FN3KRP: variants seen among roughly 807,000 people sequenced by gnomAD.
FN3KRP encodes fructosamine 3 kinase related protein, also known as ketosamine-3-kinase.
In FN3KRP, 33 loss-of-function variants were observed where a neutral mutation model predicts 29.8. The ratio of observed to expected loss-of-function variants is 1.11; its 90% confidence interval spans 0.84 to 1.48. The LOEUF (loss-of-function observed/expected upper bound fraction) is 1.48. Among genes scored for constraint, FN3KRP ranks in the 40% most tolerant of loss-of-function variants. FN3KRP has a pLI of 0.00. For synonymous variants in FN3KRP, 157 were observed against 155.2 expected (o/e 1.01, Z -0.09); for missense variants, 430 against 402.6 (o/e 1.07, Z -0.58).
intron 4 of FN3KRP, among the ~76,000 whole-genome samples, chr17:82,726,137 G>A (rs1172655909): frequency 2.0e-5 from 3 of 152,012 alleles, no homozygotes; most frequent in Non-Finnish European, 2.9e-5. Flanking sequence ...CCGAGATGGC[G>A]CCACTGCACT....
chr17:82,718,601 C>T (rs543645886), intron 1 of FN3KRP: 3 of 1,122,206 alleles, frequency 2.7e-6, no homozygotes, highest in East Asian at 5.6e-5. Flanking sequence ...CCACTGTTGC[C>T]GGATCTTAGT....
chr17:82,720,385 G>T, intron 3 of FN3KRP, 22 bp downstream of exon 3: 2 of 1,590,780 alleles, frequency 1.3e-6, no homozygotes, highest in South Asian at 1.1e-5. Context: ...CGCGGGCCAC[G>T]GGTGCTCCCG....
Position 82,716,835 on chromosome 17 carries a change from A to G in FN3KRP, c.80A>G (p.Gln27Arg), listed in dbSNP as rs1004432960. 3 of 1,559,034 alleles carry G rather than the reference A, an allele frequency of 1.9e-6. No individual in the cohort carries two copies. Among genetic ancestry groups the G allele is most frequent in the Non-Finnish European group, 2.6e-6 (3 of 1,157,708 alleles). ...CACTCGGGGGGCGGGTGCATCAGCC[A>G]GGGCCGGAGCTACGACACGGATCAA... Reference protein sequence around the residue: ...TGHSGGGCISQGRSYDTDQGR... With the variant: ...TGHSGGGCISRGRSYDTDQGR... Residue 27 changes from glutamine to arginine, a missense_variant, in exon 1 of 6, where the codon CAG (glutamine) becomes CGG (arginine). By Grantham distance (43) the Gln-to-Arg change is conservative (BLOSUM62 1). Transcript: ENST00000269373.
Position 82,718,986 on chromosome 17 carries a change from C to G in FN3KRP, c.222C>G (p.Ile74Met). 6.2e-7 allele frequency: 1 copy of G among 1,614,204 alleles called. No homozygotes were observed. Among genetic ancestry groups the G allele is most frequent in the East Asian group, 2.2e-5 (1 of 44,890 alleles). Residue 74 changes from isoleucine (I) to methionine (M), a missense_variant, in exon 2 of 6, where the codon ATC becomes ATG. Ile to Met is a conservative substitution (Grantham distance 10, BLOSUM62 1). Transcript: ENST00000269373. ...KTNTVKVPKPIKVLDAPGGGS... is the reference protein window; with the variant it reads ...KTNTVKVPKPMKVLDAPGGGS... ...ACACGGTGAAAGTGCCCAAGCCCATCAAGGTTCTGGATGCCCCAGGCGGCG... is the reference window on the plus strand; with the variant it reads ...ACACGGTGAAAGTGCCCAAGCCCATGAAGGTTCTGGATGCCCCAGGCGGCG...
chr17:82,722,552 G>GCAGCTAGTGTCTTTGATGCTGA (rs2046805434), intron 3 of FN3KRP: 1 of 454,398 alleles, frequency 2.2e-6, no homozygotes, highest in African/African-American at 2.0e-5. Flanking sequence ...CTGCTCGGGA[G>GCAGCTAGTGTCTTTGATGCTGA]CAGCTAGTGT....
intron 1 of FN3KRP, among the ~76,000 whole-genome samples, chr17:82,717,594 C>T (rs950705592): frequency 1.3e-5 from 2 of 152,222 alleles, no homozygotes; most frequent in African/African-American, 2.4e-5. Flanking sequence ...TGGCGGGCGC[C>T]TGTAATCCCA....
At chr17:82,726,340 C>T in intron 4 of FN3KRP, 140 bp from the exon 5 acceptor site, 2 of 998,308 alleles carry the variant, frequency 2.0e-6, no homozygotes, top group South Asian at 1.6e-5. Flanking sequence ...ATGTGGTTCC[C>T]CCCTCAGGCT....
At chr17:82,723,767 C>T (rs78021533) in intron 4 of FN3KRP, among the ~76,000 whole-genome samples, 1,854 of 151,682 alleles carry the variant, frequency 0.012, 34 homozygotes, top group African/African-American at 0.041. Context: ...TCTTGCTTCC[C>T]TCCTGGGTGG....
intron 5 of FN3KRP, 53 bp from the exon 6 acceptor site, chr17:82,726,780 C>A: frequency 6.7e-7 from 1 of 1,501,360 alleles, no homozygotes; most frequent in Non-Finnish European, 8.9e-7. Context: ...TGGAGCGGCG[C>A]CCCTCATGCA....
In FN3KRP at chr17:82,727,214, G is replaced by C; in HGVS notation, c.*43G>C. On this transcript the variant is annotated 3_prime_UTR_variant, in exon 6 of 6. Coordinates refer to ENST00000269373, the MANE Select transcript of FN3KRP (RefSeq NM_024619.4). ...AGGAGGCCTCAGAGGTTTCTCCACA[G>C]TCCTCTTCTGGGCAAATTCTTGTTT... The C allele has an allele frequency of 6.5e-7, 1 of 1,546,640 alleles. No individual in the cohort carries two copies.
At chr17:82,725,362 G>C (rs2046829715) in intron 4 of FN3KRP, among the ~76,000 whole-genome samples, 1 of 151,996 alleles carries the variant, frequency 6.6e-6, no homozygotes, top group Non-Finnish European at 1.5e-5. Context: ...AAACTCCTGG[G>C]CTCAAGTGAT....
At chr17:82,718,883 T>C in intron 1 of FN3KRP, 23 bp from the exon 2 acceptor site, 1 of 1,608,594 alleles carries the variant, frequency 6.2e-7, no homozygotes, top group African/African-American at 1.3e-5. Context: ...GTATTTCCAC[T>C]TCCTCTCGTA....
intron 2 of FN3KRP, 33 bp downstream of exon 2, chr17:82,719,090 A>C: frequency 6.7e-7 from 1 of 1,496,120 alleles, no homozygotes; most frequent in Non-Finnish European, 8.9e-7. Flanking sequence ...ACCTGGCTTT[A>C]TTACCTGAGC....
chr17:82,722,078 C>T (rs1184719713), intron 3 of FN3KRP, among the ~76,000 whole-genome samples: 2 of 151,940 alleles, frequency 1.3e-5, no homozygotes, highest in Non-Finnish European at 2.9e-5. Flanking sequence ...AGGTGATCCA[C>T]CTGCCTTGGC....
intron 4 of FN3KRP, 104 bp from the exon 5 acceptor site, chr17:82,726,376 G>A (rs1169855144): frequency 3.5e-6 from 5 of 1,441,956 alleles, no homozygotes; most frequent in Non-Finnish European, 4.7e-6. Flanking sequence ...CCTCCCACGT[G>A]CCGCTCCTGC....
chr17:82,726,496 AG>A lies in FN3KRP; in HGVS notation c.487del (p.Asp163ThrfsTer36), dbSNP rs781775572. The A allele has an allele frequency of 8.7e-6, 14 of 1,613,776 alleles. No homozygotes were observed. The African/African-American group carries it at 1.9e-4, about 22-fold the overall frequency. On this transcript the variant is annotated frameshift_variant, in exon 5 of 6. Transcript: ENST00000269373. LOFTEE classifies it high-confidence loss of function. ...GYLPQVNDWQEDWVVFYARQR... is the reference protein window; with the variant it reads ...GYLPQVNDWQXDWVVFYARQR... Reference sequence around the variant, plus strand: ...ACTGTGCAGGTGAATGACTGGCAGGAGGACTGGGTCGTGTTCTATGCCCGGC... The same window carrying A: ...ACTGTGCAGGTGAATGACTGGCAGGAGACTGGGTCGTGTTCTATGCCCGGC...
rs774046877 is a variant in FN3KRP, at chr17:82,719,064, C to T, written c.293+7C>T. 1 of 1,527,044 alleles carries T rather than the reference C, an allele frequency of 6.5e-7. No homozygotes were observed. Among genetic ancestry groups the T allele is most frequent in the African/African-American group, 1.9e-5 (1 of 51,654 alleles). The allele number at this position is 1,527,044 out of a possible 1,614,324, so 94.6% of individuals were successfully genotyped here. ...ACATGAGGCATCTGAGCAGGTGCAT[C>T]TTCACACCACCCCCCACCTGGCTTT... On this transcript the variant is annotated splice_region_variant and intron_variant, in intron 2 of 5. Transcript: ENST00000269373.
chr17:82,723,621 A>G (rs1005043515), intron 4 of FN3KRP, among the ~76,000 whole-genome samples: 9 of 151,146 alleles, frequency 6.0e-5, no homozygotes, highest in South Asian at 4.2e-4. Flanking sequence ...ATGTGTGCAT[A>G]TGTGTATGTG....
chr17:82,722,056 A>T (rs1030167870), intron 3 of FN3KRP, among the ~76,000 whole-genome samples: 1 of 147,112 alleles, frequency 6.8e-6, no homozygotes, highest in Non-Finnish European at 1.5e-5. Flanking sequence ...CTGGTCTCAA[A>T]TTCCCGACCT....
Sources: allele counts gnomAD v4.1 joint callset (sites outside exome capture counted in the v4.1 genomes callset), GRCh38; gene constraint gnomAD v4.1.1; transcripts MANE v1.5; gene names NCBI Gene and HGNC (gene_info 2026-07-23, HGNC 2026-07-21).